Variants in CSF3R observed in about 807,000 individuals in gnomAD.
CSF3R encodes colony stimulating factor 3 receptor.
Under a neutral mutation model 84.4 loss-of-function variants are expected in CSF3R, and 52 were observed. That is an observed-to-expected ratio of 0.62 (90% CI 0.49 to 0.78). The LOEUF (loss-of-function observed/expected upper bound fraction) is 0.78. Among genes scored for constraint, CSF3R ranks in the 30% least tolerant of loss-of-function variants. The pLI, the probability that CSF3R is intolerant of heterozygous loss-of-function variation, is 0.00. For missense variants in CSF3R, 890 were observed against 1,055.7 expected (o/e 0.84, Z 2.17); for synonymous variants, 384 against 429.1 (o/e 0.89, Z 1.30).
chr1:36,469,211 C>T lies in CSF3R; in HGVS notation c.1521G>A (p.Leu507=). ...GGGAGGGTCCCATGGTGTCCTGGTA[C>T]AAGGGAGTCACGATGATCTCATAGA... ...FQLYEIIVTP[L]YQDTMGPSQH... is the part of the protein sequence containing the mutation. The change falls in exon 12 of 17, where the codon TTG becomes TTA. Residue 507 remains leucine (L), a synonymous_variant. Coordinates refer to ENST00000373106, the MANE Select transcript of CSF3R (RefSeq NM_000760.4). The T allele has an allele frequency of 6.2e-7, 1 of 1,614,064 alleles. No homozygotes were observed. Among genetic ancestry groups the T allele is most frequent in the South Asian group, 1.1e-5 (1 of 91,080 alleles).
In CSF3R at chr1:36,466,292, T is replaced by TC; in HGVS notation, c.*64dup. The TC allele has an allele frequency of 5.6e-6, 9 of 1,611,408 alleles. No individual in the cohort carries two copies. The highest frequency in any genetic ancestry group is 7.6e-6 in the Non-Finnish European group (9 of 1,179,292). ...TTTTTAGTCATGGGCTTATGGACCC[T>TC]CCCCTCTTCTCCAGCTAGCTCAGGC... is the stretch of plus-strand genomic sequence containing the variant. On this transcript the variant is annotated 3_prime_UTR_variant, in exon 17 of 17. Coordinates refer to ENST00000373106, the MANE Select transcript of CSF3R (RefSeq NM_000760.4). This position sits in a 1 kb window ranked among gnomAD's most constrained non-coding sequence, Gnocchi z 4.6.
At chr1:36,471,725 G>C in intron 9 of CSF3R, 79 bp from the exon 10 acceptor site, 4 of 1,443,000 alleles carry the variant, frequency 2.8e-6, no homozygotes, top group Non-Finnish European at 3.9e-6. Flanking sequence ...TGGGGTGGAT[G>C]GATCATACAA....
In CSF3R at chr1:36,472,565, C is replaced by G; in HGVS notation, c.795G>C (p.Lys265Asn). ...GCTGCGGCTTGTGGCGCAGCTCACA[C>G]TTCTGATTTATGTGCAGGCCTGGCT... is the stretch of plus-strand genomic sequence containing the variant. ...PWQPGLHINQ[K>N]CELRHKPQRG... The change falls in exon 7 of 17, where the codon AAG (lysine) becomes AAC (asparagine). Residue 265 changes from lysine to asparagine, a missense_variant. Coordinates refer to ENST00000373106, the MANE Select transcript of CSF3R (RefSeq NM_000760.4). The surrounding 1 kb of genome is among the most constrained non-coding windows in gnomAD (Gnocchi z 5.0). 6.2e-7 allele frequency: 1 copy of G among 1,614,194 alleles called. No homozygotes were observed.
intron 12 of CSF3R, chr1:36,468,839 G>A: frequency 2.7e-6 from 1 of 368,234 alleles, no homozygotes; most frequent in Non-Finnish European, 5.2e-6. Flanking sequence ...AGGATTACAG[G>A]TGTGAGCCAC....
rs367641463 is a variant in CSF3R at position 36,469,749 on chromosome 1, A to T, written c.1377T>A (p.Tyr459Ter). ...GGGGGCCCAGGCCCCACTCAATCAC[A>T]TAGCCCTGAGGCCATGGATTGGGGG... ...WEPPNPWPQG[Y>*]VIEWGLGPPS... Residue 459 changes from tyrosine to a stop codon, truncating the protein, a stop_gained, in exon 11 of 17, where the codon TAT (tyrosine) becomes TAA (stop). Transcript: ENST00000373106. LOFTEE classifies it high-confidence loss of function. The T allele has an allele frequency of 6.2e-7, 1 of 1,613,994 alleles. No individual in the cohort carries two copies. The highest frequency in any genetic ancestry group is 1.3e-5 in the African/African-American group (1 of 74,906).
rs1045435920 is a variant in CSF3R, at chr1:36,469,253, G to C, written c.1479C>G (p.Asn493Lys). The change falls in exon 12 of 17, where the codon AAC becomes AAG. Residue 493 changes from asparagine to lysine, a missense_variant. Asn to Lys is a moderately conservative substitution (Grantham distance 94). Transcript: ENST00000373106. ...GRATGFLLKE[N>K]IRPFQLYEII... is the part of the protein sequence containing the mutation. The stretch of plus-strand genomic sequence containing the variant: ...TCTCATAGAGCTGAAAGGGCCTGAT[G>C]TTCTCTGTAGAGAGAAAATGGGGTA... 6.2e-7 allele frequency: 1 copy of C among 1,613,078 alleles called. No homozygotes were observed. Among genetic ancestry groups the C allele is most frequent in the Non-Finnish European group, 8.5e-7 (1 of 1,179,008 alleles).
At chr1:36,469,520 G>A in intron 11 of CSF3R, 132 bp downstream of exon 11, 1 of 1,142,690 alleles carries the variant, frequency 8.8e-7, no homozygotes, top group Non-Finnish European at 1.3e-6. Context: ...TATGAAATGA[G>A]AACAACGAAG....
Position 36,467,933 on chromosome 1 carries a change from A to C in CSF3R, c.1753T>G (p.Phe585Val), listed in dbSNP as rs541896172. ...GCGGGCTCCAGGCCATGGAGGACAA[A>C]GCCACGGGAGGAGGCATTCAGGATG... ...SAILNASSRGFVLHGLEPASL... is the reference protein window; with the variant it reads ...SAILNASSRGVVLHGLEPASL... The change falls in exon 14 of 17, where the codon TTT (phenylalanine) becomes GTT (valine). Residue 585 changes from phenylalanine (F) to valine (V), a missense_variant. By Grantham distance (50) the Phe-to-Val change is conservative. Transcript: ENST00000373106. This position sits in a 1 kb window ranked among gnomAD's most constrained non-coding sequence, Gnocchi z 4.1. 6.2e-7 allele frequency: 1 copy of C among 1,614,190 alleles called. No homozygotes were observed. Among genetic ancestry groups the C allele is most frequent in the African/African-American group, 1.3e-5 (1 of 75,062 alleles).
In CSF3R at chr1:36,472,302, G is replaced by C. The variant is rs1650808245; in HGVS notation, c.933C>G (p.Arg311=). Residue 311 remains arginine, a synonymous_variant, in exon 8 of 17, where the codon CGC becomes CGG. Transcript: ENST00000373106. This position sits in a 1 kb window ranked among gnomAD's most constrained non-coding sequence, Gnocchi z 5.0. ...CGCTCCAGTGGCCAGGCAGGGGCCA[G>C]CGGATGCAGCGTATCTGCAGGGTGT... is the stretch of plus-strand genomic sequence containing the variant. ...TAYTLQIRCI[R]WPLPGHWSDW... 6.2e-7 allele frequency: 1 copy of C among 1,614,240 alleles called. No homozygotes were observed. Among genetic ancestry groups the C allele is most frequent in the Non-Finnish European group, 8.5e-7 (1 of 1,180,046 alleles).
chr1:36,477,584 TAAAC>T (rs1651234659), intron 3 of CSF3R: 2 of 151,544 alleles, frequency 1.3e-5, no homozygotes, highest in South Asian at 2.1e-4. Context: ...GATAAATAAA[TAAAC>T]AAACAAATCA....
Position 36,467,655 on chromosome 1 carries a change from C to T in CSF3R, c.1865-4G>A. On this transcript the variant is annotated splice_polypyrimidine_tract_variant and splice_region_variant and intron_variant, in intron 14 of 16. Coordinates refer to ENST00000373106, the MANE Select transcript of CSF3R (RefSeq NM_000760.4). The surrounding 1 kb of genome is among the most constrained non-coding windows in gnomAD (Gnocchi z 4.1). ...ATGATGTGTAGCTCCGACCCCTCTG[C>T]AGTGAGGGCAGGGCCGGAAGAAGTT... 6.2e-7 allele frequency: 1 copy of T among 1,614,062 alleles called. No individual in the cohort carries two copies. Among genetic ancestry groups the T allele is most frequent in the Admixed American group, 1.7e-5 (1 of 60,028 alleles).
At chr1:36,471,165 C>A (rs529960371) in intron 10 of CSF3R, among the ~76,000 whole-genome samples, 1 of 152,258 alleles carries the variant, frequency 6.6e-6, no homozygotes, top group Non-Finnish European at 1.5e-5. Context: ...CCTGCCTCAG[C>A]CTCCGGAGTA....
rs1202234411 is a variant in CSF3R, at chr1:36,472,004, T to C, written c.1071+62A>G. ...TGTTGGAGTCCTAAGCCCCGGTTTG[T>C]AGGGATCTGTTTGGACTGCGGGAGG... is the stretch of plus-strand genomic sequence containing the variant. On this transcript the variant is annotated intron_variant, in intron 9 of 16. Coordinates refer to ENST00000373106, the MANE Select transcript of CSF3R (RefSeq NM_000760.4). This position sits in a 1 kb window ranked among gnomAD's most constrained non-coding sequence, Gnocchi z 5.0. 2.6e-6 allele frequency: 4 copies of C among 1,537,842 alleles called. No individual in the cohort carries two copies. Among genetic ancestry groups the C allele is most frequent in the African/African-American group, 2.7e-5 (2 of 73,352 alleles).
chr1:36,475,937 T>C (rs1323791997), intron 3 of CSF3R: 2 of 430,646 alleles, frequency 4.6e-6, no homozygotes, highest in Non-Finnish European at 8.3e-6. Context: ...CTTTCCGCGG[T>C]GTAAGTGCTC....
intron 10 of CSF3R, 33 bp downstream of exon 10, chr1:36,471,400 C>G (rs1008373693): frequency 6.3e-7 from 1 of 1,596,216 alleles, no homozygotes; most frequent in South Asian, 1.1e-5. Flanking sequence ...TGCGCTTGAC[C>G]TCTGTGCTCT....
rs1651387464 is a variant in CSF3R, at chr1:36,479,511, G to T, written c.-15C>A. 1 of 1,613,556 alleles carries T rather than the reference G, an allele frequency of 6.2e-7. No individual in the cohort carries two copies. The highest frequency in any genetic ancestry group is 8.5e-7 in the Non-Finnish European group (1 of 1,179,536). On this transcript the variant is annotated 5_prime_UTR_variant, in exon 3 of 17. Coordinates refer to ENST00000373106, the MANE Select transcript of CSF3R (RefSeq NM_000760.4). ...AGCCTTGCCATAGCACCAACTTGAT[G>T]TTCACCTGTAGGCAGAAGGGTTGTT...
intron 4 of CSF3R, 85 bp downstream of exon 4, chr1:36,475,292 C>A: frequency 1.3e-6 from 2 of 1,551,554 alleles, no homozygotes; most frequent in South Asian, 2.2e-5. Context: ...CAGGCGTGAG[C>A]CAACGTGCCC....
At chr1:36,482,288 C>G (rs1422220159) in intron 1 of CSF3R, among the ~76,000 whole-genome samples, 1 of 135,306 alleles carries the variant, frequency 7.4e-6, no homozygotes, top group African/African-American at 2.9e-5. Context: ...CCAATGTACG[C>G]CGACCCAGAG....
Position 36,467,958 on chromosome 1 carries a change from G to A in CSF3R, c.1728C>T (p.Ala576=), listed in dbSNP as rs1451236691. 6 of 1,614,096 alleles carry A rather than the reference G, an allele frequency of 3.7e-6. No homozygotes were observed. The African/African-American group carries it at 4.0e-5, about 11-fold the overall frequency. The change falls in exon 14 of 17, where the codon GCC becomes GCT. Residue 576 remains alanine (A), a synonymous_variant. Coordinates refer to ENST00000373106, the MANE Select transcript of CSF3R (RefSeq NM_000760.4). This position sits in a 1 kb window ranked among gnomAD's most constrained non-coding sequence, Gnocchi z 4.1. ...WTNAQNQSFS[A]ILNASSRGFV... ...AGCCACGGGAGGAGGCATTCAGGAT[G>A]GCGGCTGGGAGGGGTGTACGGTCAG...
Sources: gnomAD v4.1 joint callset for allele counts (sites outside exome capture counted in the v4.1 genomes callset) on GRCh38, gnomAD v4.1.1 for gene constraint, Gnocchi (gnomAD v3.1) non-coding constraint, MANE v1.5 for transcripts, NCBI Gene and HGNC (gene_info 2026-07-23, HGNC 2026-07-21) for gene names.